The following CES4A variants were observed in gnomAD, a reference collection of about 807,000 sequenced individuals.
CES4A encodes the protein carboxylesterase 6.
In CES4A, 48 loss-of-function variants were observed where a neutral mutation model predicts 65.4. That is an observed-to-expected ratio of 0.73 (90% CI 0.58 to 0.93). CES4A has a LOEUF of 0.93. Ranked by LOEUF, CES4A falls within the 40% of genes least tolerant of loss-of-function variation. The pLI is 0.00. For synonymous variants in CES4A, 247 were observed against 281.8 expected, an observed-to-expected ratio of 0.88 and a Z score of 1.24; for missense variants, 685 against 728.5, an observed-to-expected ratio of 0.94 and a Z score of 0.69.
intron 9 of CES4A, 65 bp from the exon 10 acceptor site, chr16:67,004,728 C>T (rs1965618592): frequency 7.5e-7 from 1 of 1,335,412 alleles, no homozygotes; most frequent in African/African-American, 1.4e-5. Flanking sequence ...GCCTTTGTAG[C>T]TCTGGCCAGA....
intron 2 of CES4A, among the ~76,000 whole-genome samples, chr16:66,996,334 C>T (rs1964852378): frequency 6.6e-6 from 1 of 152,176 alleles, no homozygotes; most frequent in Admixed American, 6.5e-5. Context: ...TGCGCCTAGA[C>T]TTGTTGTTGG....
chr16:67,009,471 A>G (rs1225968552), exon 14 of CES4A: 3 of 217,342 alleles, frequency 1.4e-5, no homozygotes, highest in African/African-American at 2.3e-5. Flanking sequence ...CCACCCTTCA[A>G]TGTCTCCTTG....
chr16:66,994,642 C>T (rs1015054109), intron 1 of CES4A, among the ~76,000 whole-genome samples: 2 of 151,080 alleles, frequency 1.3e-5, no homozygotes, highest in Non-Finnish European at 3.0e-5. Flanking sequence ...GAGATAGAGA[C>T]CATCCTGGCT....
At chr16:66,991,888 C>A (rs775672383) in intron 1 of CES4A, among the ~76,000 whole-genome samples, 1 of 151,956 alleles carries the variant, frequency 6.6e-6, no homozygotes, top group African/African-American at 2.4e-5. Flanking sequence ...GTGGGAGGAT[C>A]ACTTGAGGCC....
rs368852783 is a variant in CES4A at position 67,001,488 on chromosome 16, G to C, written c.690+27G>C. 5.1e-6 allele frequency: 8 copies of C among 1,572,068 alleles called. No individual in the cohort carries two copies. Among genetic ancestry groups the C allele is most frequent in the Non-Finnish European group, 6.9e-6 (8 of 1,159,636 alleles). On this transcript the variant is annotated intron_variant, in intron 5 of 13. Transcript: ENST00000648724. This position sits in a 1 kb window ranked among gnomAD's most constrained non-coding sequence, Gnocchi z 4.1. ...TGAGAGCAATGCCCAGACGGACCGA[G>C]CACAGACTTAGGCTCCTGCGTTCCC... is the stretch of plus-strand genomic sequence containing the variant.
chr16:66,992,355 C>A (rs1901788477), intron 1 of CES4A, among the ~76,000 whole-genome samples: 1 of 152,196 alleles, frequency 6.6e-6, no homozygotes, highest in African/African-American at 2.4e-5. Flanking sequence ...CCTGTAGAGA[C>A]CTGGGGGCAT....
intron 1 of CES4A, among the ~76,000 whole-genome samples, chr16:66,994,040 G>C (rs1310331791): frequency 6.6e-6 from 1 of 151,524 alleles, no homozygotes; most frequent in African/African-American, 2.4e-5. Context: ...GGTGGGGCTT[G>C]CAGTGAGCCG....
chr16:66,995,344 A>AAT (rs1226023988), intron 1 of CES4A, among the ~76,000 whole-genome samples: 5 of 150,302 alleles, frequency 3.3e-5, no homozygotes, highest in African/African-American at 1.2e-4. Context: ...AATAAATATA[A>AAT]ATAAATAAAC....
At chr16:66,994,972 C>T (rs1184380116) in intron 1 of CES4A, among the ~76,000 whole-genome samples, 1 of 151,928 alleles carries the variant, frequency 6.6e-6, no homozygotes, top group Admixed American at 6.6e-5. Flanking sequence ...CTATTGCACT[C>T]CAGCCTGGGC....
intron 2 of CES4A, chr16:66,996,313 G>C: frequency 3.2e-6 from 1 of 316,972 alleles, no homozygotes; most frequent in Non-Finnish European, 6.1e-6. Context: ...GAGATTACAG[G>C]CATGAGCCAC....
At chr16:67,006,040 G>C (rs545905259) in intron 11 of CES4A, 25 of 246,068 alleles carry the variant, frequency 1.0e-4, no homozygotes, top group East Asian at 2.9e-4. Context: ...GGTTAAAGGG[G>C]GGGGGGCTGG....
chr16:66,992,990 T>C (rs1198857760), intron 1 of CES4A, among the ~76,000 whole-genome samples: 2 of 152,016 alleles, frequency 1.3e-5, no homozygotes, highest in Non-Finnish European at 2.9e-5. Context: ...CCAGCCCAAT[T>C]CGGTTTTGAT....
chr16:66,995,829 G>A, exon 2 of CES4A: 1 of 1,613,246 alleles, frequency 6.2e-7, no homozygotes, highest in East Asian at 2.2e-5. Context: ...TACCCGCCTG[G>A]GTAAGAGTCA....
intron 2 of CES4A, among the ~76,000 whole-genome samples, chr16:66,997,948 AACACAC>A (rs57562021): frequency 0.4 from 51,120 of 126,992 alleles, 10,347 homozygotes; most frequent in Non-Finnish European, 0.43. Flanking sequence ...CCCTATCTAA[AACACAC>A]ACACACACAC....
In CES4A at chr16:67,003,324, A is replaced by C; in HGVS notation, c.864A>C (p.Leu288=). Residue 288 remains leucine, a synonymous_variant, in exon 7 of 14, where the codon CTA becomes CTC. Transcript: ENST00000648724. This position sits in a 1 kb window ranked among gnomAD's most constrained non-coding sequence, Gnocchi z 4.2. ...TCCTGGTAAACTGCCTGAGGGCACTATCAGGGACCAAGGTGATGCGTGTGT... is the reference window on the plus strand; with the variant it reads ...TCCTGGTAAACTGCCTGAGGGCACTCTCAGGGACCAAGGTGATGCGTGTGT... 6.2e-7 allele frequency: 1 copy of C among 1,614,090 alleles called. No homozygotes were observed.
chr16:66,994,766 G>C (rs1964689450), intron 1 of CES4A, among the ~76,000 whole-genome samples: 1 of 151,356 alleles, frequency 6.6e-6, no homozygotes, highest in Non-Finnish European at 1.5e-5. Flanking sequence ...TTGAACCCGG[G>C]AGGCAGAGGT....
chr16:67,005,430 G>A (rs1013395177), intron 11 of CES4A, 37 bp downstream of exon 11: 14 of 1,602,834 alleles, frequency 8.7e-6, no homozygotes, highest in African/African-American at 2.7e-5. Flanking sequence ...CACTGGCCCC[G>A]TCCACTCTCC....
rs1965172003 is a variant in CES4A, at chr16:67,000,190, G to C, written c.261-448G>C. 6.6e-6 allele frequency among the ~76,000 whole-genome samples: 1 copy of C among 152,222 alleles called. No individual in the cohort carries two copies. The highest frequency in any genetic ancestry group is 1.5e-5 in the Non-Finnish European group (1 of 68,034). ...CCGCCAGAGTGTGGCCGAGGAGTAGGAGGAGTGTGAAGAGGCTGGGGTACT... is the reference window on the plus strand; with the variant it reads ...CCGCCAGAGTGTGGCCGAGGAGTAGCAGGAGTGTGAAGAGGCTGGGGTACT... On this transcript the variant is annotated intron_variant, in intron 2 of 13. Transcript: ENST00000648724. The surrounding 1 kb of genome is among the most constrained non-coding windows in gnomAD (Gnocchi z 4.2).
At chr16:67,009,902 CT>C (rs1231056454), downstream of CES4A, 2 of 152,208 alleles carry the variant, frequency 1.3e-5, no homozygotes, top group Non-Finnish European at 2.9e-5. Context: ...AAACACTTGC[CT>C]TTTGCCTTCA....
Sources: gnomAD v4.1 joint callset for allele counts (sites outside exome capture counted in the v4.1 genomes callset) on GRCh38, gnomAD v4.1.1 for gene constraint, Gnocchi (gnomAD v3.1) non-coding constraint, MANE v1.5 for transcripts, NCBI Gene and HGNC (gene_info 2026-07-23, HGNC 2026-07-21) for gene names.